Variants in TNFRSF9 observed in about 807,000 individuals in gnomAD.
The protein encoded by TNFRSF9 is tumor necrosis factor receptor superfamily member 9.
A neutral mutation model predicts 28.8 loss-of-function variants in TNFRSF9; 16 were observed. The observed-to-expected ratio is 0.55, with a 90% CI of 0.38 to 0.84. The LOEUF (loss-of-function observed/expected upper bound fraction) is 0.84. Among genes scored for constraint, TNFRSF9 ranks in the 40% least tolerant of loss-of-function variants. TNFRSF9 has a pLI of 0.00. For synonymous variants in TNFRSF9, 131 were observed against 117.0 expected (o/e 1.12, Z -0.77); for missense variants, 303 against 315.0 (o/e 0.96, Z 0.29).
At chr1:7,933,438 T>C in intron 6 of TNFRSF9, 142 bp from the exon 7 acceptor site, 1 of 1,060,180 alleles carries the variant, frequency 9.4e-7, no homozygotes, top group Non-Finnish European at 1.3e-6. Context: ...GGAGTAAACT[T>C]AGAAAACTTT....
At chr1:7,935,901 G>A (rs1308566330) in intron 5 of TNFRSF9, among the ~76,000 whole-genome samples, 2 of 152,162 alleles carry the variant, frequency 1.3e-5, no homozygotes, top group African/African-American at 4.8e-5. Context: ...ACAAACGAGT[G>A]AGAGTCAGTG....
rs1491203940 is a variant in TNFRSF9 at position 7,929,157 on chromosome 1, C to CTT, written c.679+4004_679+4005insAA. 4.7e-3 allele frequency among the ~76,000 whole-genome samples: 310 copies of CTT among 65,426 alleles called. 14 individuals are homozygous for CTT. Among genetic ancestry groups the CTT allele is most frequent in the East Asian group, 7.8e-3 (23 of 2,966 alleles). 42.9% of individuals were successfully genotyped at this position (65,426 alleles called of 152,430 possible). ...CTCAGTTTTTCTTTTTTTTCTTTTT[C>CTT]CTTTTTTTTTTTTTTTTTTTTTGAG... On this transcript the variant is annotated intron_variant, in intron 7 of 7. Coordinates refer to ENST00000377507, the MANE Select transcript of TNFRSF9 (RefSeq NM_001561.6).
intron 7 of TNFRSF9, 117 bp downstream of exon 7, chr1:7,933,045 G>T: frequency 7.7e-7 from 1 of 1,291,180 alleles, no homozygotes; most frequent in Non-Finnish European, 1.1e-6. Context: ...GCCCCTGCGT[G>T]ATAGCCACGG....
chr1:7,920,762 G>A lies in TNFRSF9; in HGVS notation c.*73C>T. The A allele has an allele frequency of 8.4e-7, 1 of 1,193,870 alleles. No individual in the cohort carries two copies. Among genetic ancestry groups the A allele is most frequent in the Non-Finnish European group, 1.2e-6 (1 of 800,822 alleles). The allele number at this position is 1,193,870 out of a possible 1,614,324, so 74.0% of individuals were successfully genotyped here. On this transcript the variant is annotated 3_prime_UTR_variant, in exon 8 of 8. Transcript: ENST00000377507. The stretch of plus-strand genomic sequence containing the variant: ...TAGGATGGTGTTCTTGCTTTTGAAA[G>A]CTGTGATAGCGGATGACTCATATTT...
chr1:7,935,474 C>A (rs376791713), intron 5 of TNFRSF9, among the ~76,000 whole-genome samples: 11 of 152,284 alleles, frequency 7.2e-5, no homozygotes, highest in African/African-American at 1.7e-4. Flanking sequence ...TAGCATCAGG[C>A]AAACCAGGGT....
At chr1:7,929,009 A>G (rs748154208) in intron 7 of TNFRSF9, among the ~76,000 whole-genome samples, 2 of 152,192 alleles carry the variant, frequency 1.3e-5, no homozygotes, top group Non-Finnish European at 2.9e-5. Flanking sequence ...AACAACTATC[A>G]CAAAAGATGG....
intron 7 of TNFRSF9, among the ~76,000 whole-genome samples, chr1:7,932,417 G>T (rs1167923066): frequency 6.6e-6 from 1 of 152,136 alleles, no homozygotes; most frequent in Non-Finnish European, 1.5e-5. Context: ...CCAGGCACTT[G>T]CTGAGTACCT....
chr1:7,923,398 T>C (rs1367572421), intron 7 of TNFRSF9, among the ~76,000 whole-genome samples: 1 of 152,102 alleles, frequency 6.6e-6, no homozygotes, highest in African/African-American at 2.4e-5. Flanking sequence ...CCCACGTGTC[T>C]AGCAGTAAAA....
At chr1:7,937,898 A>T in intron 4 of TNFRSF9, 142 bp from the exon 5 acceptor site, 1 of 723,986 alleles carries the variant, frequency 1.4e-6, no homozygotes, top group Non-Finnish European at 2.2e-6. Flanking sequence ...ACACCCTAAG[A>T]TGGCTAGTTT....
intron 2 of TNFRSF9, among the ~76,000 whole-genome samples, chr1:7,939,371 T>C (rs1464996003): frequency 3.3e-5 from 5 of 150,096 alleles, no homozygotes; most frequent in African/African-American, 9.8e-5. Flanking sequence ...AAACCAGATA[T>C]TGTAACAAAT....
chr1:7,933,403 C>A, intron 6 of TNFRSF9, 107 bp from the exon 7 acceptor site: 1 of 1,346,224 alleles, frequency 7.4e-7, no homozygotes, highest in Non-Finnish European at 1.0e-6. Context: ...AGAATCACAG[C>A]CTTGGGCATC....
chr1:7,927,816 T>G (rs1382019123), intron 7 of TNFRSF9, among the ~76,000 whole-genome samples: 3 of 151,622 alleles, frequency 2.0e-5, no homozygotes, highest in Admixed American at 6.6e-5. Context: ...ATCCATAAAC[T>G]GGACTTCAGC....
intron 7 of TNFRSF9, among the ~76,000 whole-genome samples, chr1:7,922,255 T>C (rs144659266): frequency 6.6e-6 from 1 of 152,294 alleles, no homozygotes; most frequent in Non-Finnish European, 1.5e-5. Flanking sequence ...ACCAACGGGA[T>C]GTCTTTTGAA....
intron 5 of TNFRSF9, 81 bp downstream of exon 5, chr1:7,937,609 G>A: frequency 8.6e-7 from 1 of 1,164,482 alleles, no homozygotes. Context: ...GTGCAAAAAA[G>A]CTTCAATGAT....
At chr1:7,928,636 A>G (rs895285602) in intron 7 of TNFRSF9, among the ~76,000 whole-genome samples, 1 of 152,184 alleles carries the variant, frequency 6.6e-6, no homozygotes, top group Non-Finnish European at 1.5e-5. Context: ...TCATGCCTGT[A>G]ATCCCAGCAC....
At chr1:7,932,611 T>C (rs1215741561) in intron 7 of TNFRSF9, among the ~76,000 whole-genome samples, 1 of 151,982 alleles carries the variant, frequency 6.6e-6, no homozygotes, top group Non-Finnish European at 1.5e-5. Context: ...CAGAGGGACA[T>C]AGAGGGAACA....
chr1:7,938,225 T>A lies in TNFRSF9; in HGVS notation c.314A>T (p.Asp105Val), dbSNP rs775069840. 6.2e-7 allele frequency: 1 copy of A among 1,604,728 alleles called. No individual in the cohort carries two copies. The highest frequency in any genetic ancestry group is 2.3e-5 in the East Asian group (1 of 44,196). Reference protein sequence around the residue: ...LGAGCSMCEQDCKQGQELTKK... With the variant: ...LGAGCSMCEQVCKQGQELTKK... Reference sequence around the variant, plus strand: ...TGTCAGTTCTTGACCTTGTTTACAATCCTGTTCACACATGCTGCATCCTGC... The same window carrying A: ...TGTCAGTTCTTGACCTTGTTTACAAACCTGTTCACACATGCTGCATCCTGC... The change falls in exon 4 of 8, where the codon GAT becomes GTT. Residue 105 changes from aspartate to valine, a missense_variant. Transcript: ENST00000377507.
chr1:7,938,598 G>T, intron 3 of TNFRSF9, 123 bp downstream of exon 3: 1 of 886,208 alleles, frequency 1.1e-6, no homozygotes, highest in Non-Finnish European at 1.7e-6. Context: ...TAGACCTGCT[G>T]GTTGGCAGAA....
intron 6 of TNFRSF9, 71 bp from the exon 7 acceptor site, chr1:7,933,367 A>G (rs1474006010): frequency 8.6e-6 from 13 of 1,503,124 alleles, no homozygotes; most frequent in Non-Finnish European, 1.1e-5. Context: ...GTATATATTT[A>G]CATTGGTAAA....
Sources: allele counts gnomAD v4.1 joint callset (sites outside exome capture counted in the v4.1 genomes callset), GRCh38; gene constraint gnomAD v4.1.1; transcripts MANE v1.5; gene names NCBI Gene and HGNC (gene_info 2026-07-23, HGNC 2026-07-21).